Variants in RNLS observed in about 807,000 individuals in gnomAD.
RNLS encodes renalase, FAD dependent amine oxidase.
Under a neutral mutation model 39.8 loss-of-function variants are expected in RNLS, and 39 were observed. The ratio of observed to expected loss-of-function variants is 0.98; its 90% CI spans 0.76 to 1.28. The LOEUF (loss-of-function observed/expected upper bound fraction) is 1.28. Ranked by LOEUF, RNLS falls within the 50% of genes most tolerant of loss-of-function variation. The pLI is 0.00. For missense variants in RNLS, 410 were observed against 413.3 expected (o/e 0.99, Z 0.07); for synonymous variants, 147 against 150.7 (o/e 0.98, Z 0.18).
At chr10:88,192,833 C>T in the RNLS span, among the ~76,000 whole-genome samples, 1 of 152,200 alleles carries the variant, frequency 6.6e-6, no homozygotes, top group Non-Finnish European at 1.5e-5. Context: ...TGTATTTACA[C>T]TTTTACTTGA....
chr10:88,399,546 ACTGT>A (rs1852787793), intron 4 of RNLS, among the ~76,000 whole-genome samples: 1 of 152,024 alleles, frequency 6.6e-6, no homozygotes, highest in African/African-American at 2.4e-5. Flanking sequence ...CAAGTCCACA[ACTGT>A]ATTATACAAA....
chr10:88,401,206 C>G (rs1852896033), intron 4 of RNLS, among the ~76,000 whole-genome samples: 1 of 151,834 alleles, frequency 6.6e-6, no homozygotes, highest in Non-Finnish European at 1.5e-5. Flanking sequence ...ATTGAAAAAT[C>G]AATGTGACAA....
At chr10:88,542,826 A>G (rs1403431706) in intron 4 of RNLS, among the ~76,000 whole-genome samples, 2 of 152,302 alleles carry the variant, frequency 1.3e-5, no homozygotes. Context: ...GAGTTTTACA[A>G]GAAATAAGAT....
At chr10:88,199,359 T>C in the RNLS span, among the ~76,000 whole-genome samples, 1 of 152,204 alleles carries the variant, frequency 6.6e-6, no homozygotes, top group East Asian at 1.9e-4. Context: ...CTCAGCACCA[T>C]TGACATTTTG....
chr10:88,573,038 G>A lies in RNLS; in HGVS notation c.391C>T (p.Arg131Cys), dbSNP rs770321898. ...TCTCTTAGGTTGATCTGTGTCACAC[G>A]ATGTCTGAAGTAGACTTCTGCACCT... is the stretch of plus-strand genomic sequence containing the variant. Reference protein sequence around the residue: ...ESGAEVYFRHRVTQINLRDDK... With the variant: ...ESGAEVYFRHCVTQINLRDDK... The change falls in exon 4 of 7, where the codon CGT (arginine) becomes TGT (cysteine). Residue 131 changes from arginine (R) to cysteine (C), a missense_variant. Transcript: ENST00000331772. The A allele has an allele frequency of 1.7e-5, 27 of 1,613,614 alleles. No homozygotes were observed. The highest frequency in any genetic ancestry group is 1.6e-4 in the Middle Eastern group (1 of 6,078).
chr10:88,282,605 G>C (rs979103293), downstream of RNLS, among the ~76,000 whole-genome samples: 4 of 151,900 alleles, frequency 2.6e-5, no homozygotes, highest in Non-Finnish European at 5.9e-5. Context: ...GGGTAGGCGG[G>C]GGGTGGGGAC....
the RNLS span, among the ~76,000 whole-genome samples, chr10:88,191,460 A>G: frequency 6.6e-6 from 1 of 152,200 alleles, no homozygotes; most frequent in Non-Finnish European, 1.5e-5. Flanking sequence ...GATGTTTAAT[A>G]TAAGTTTACA....
At chr10:88,553,928 T>C (rs928222389) in intron 4 of RNLS, among the ~76,000 whole-genome samples, 2 of 152,126 alleles carry the variant, frequency 1.3e-5, no homozygotes, top group African/African-American at 4.8e-5. Flanking sequence ...AAAATATTTA[T>C]TGAAAAAATA....
intron 5 of RNLS, among the ~76,000 whole-genome samples, chr10:88,321,027 T>C (rs1005100082): frequency 6.6e-6 from 1 of 151,818 alleles, no homozygotes; most frequent in Non-Finnish European, 1.5e-5. Context: ...GAACAGTCTC[T>C]AAAATTGACT....
intron 5 of RNLS, among the ~76,000 whole-genome samples, chr10:88,333,357 C>T (rs934088657): frequency 6.6e-6 from 1 of 152,112 alleles, no homozygotes; most frequent in African/African-American, 2.4e-5. Flanking sequence ...AATAAAAGTA[C>T]TGCTTTGGTA....
chr10:88,464,974 G>T (rs1224555879), intron 4 of RNLS, among the ~76,000 whole-genome samples: 3 of 152,056 alleles, frequency 2.0e-5, no homozygotes, highest in African/African-American at 7.2e-5. Context: ...GAATGGCTGG[G>T]TTCAAACCAC....
the RNLS span, among the ~76,000 whole-genome samples, chr10:88,217,975 G>T: frequency 6.6e-6 from 1 of 152,170 alleles, no homozygotes; most frequent in Non-Finnish European, 1.5e-5. Flanking sequence ...AGGAGGCAGA[G>T]GTTGCAGTGA....
chr10:88,455,078 T>A (rs1842554404), intron 4 of RNLS, among the ~76,000 whole-genome samples: 1 of 152,150 alleles, frequency 6.6e-6, no homozygotes, highest in Non-Finnish European at 1.5e-5. Flanking sequence ...GACTAGTAGC[T>A]AGAGAAGCAC....
intron 4 of RNLS, among the ~76,000 whole-genome samples, chr10:88,460,766 A>C (rs902837132): frequency 6.6e-6 from 1 of 152,080 alleles, no homozygotes; most frequent in Admixed American, 6.6e-5. Context: ...TTTCCCTCTG[A>C]CTGTTTTTGG....
chr10:88,348,702 T>G (rs1299357347), intron 5 of RNLS, among the ~76,000 whole-genome samples: 1 of 152,170 alleles, frequency 6.6e-6, no homozygotes, highest in Non-Finnish European at 1.5e-5. Flanking sequence ...TAAATCATAT[T>G]CCCTATTAAA....
chr10:88,475,604 C>T (rs1843771947), intron 4 of RNLS, among the ~76,000 whole-genome samples: 1 of 152,094 alleles, frequency 6.6e-6, no homozygotes, highest in African/African-American at 2.4e-5. Context: ...CTTCCTATGT[C>T]AAGAGGTATT....
intron 4 of RNLS, among the ~76,000 whole-genome samples, chr10:88,446,114 C>T (rs1842018121): frequency 6.6e-6 from 1 of 152,180 alleles, no homozygotes; most frequent in South Asian, 2.1e-4. Flanking sequence ...AACAAACTGT[C>T]TCTCAGACCA....
At position 88,284,442 on chromosome 10, in the gene RNLS, T is replaced by C; in HGVS notation, c.*912A>G. 2.0e-6 allele frequency: 2 copies of C among 985,388 alleles called. No homozygotes were observed. Among genetic ancestry groups the C allele is most frequent in the Non-Finnish European group, 2.4e-6 (2 of 829,906 alleles). The allele number at this position is 985,388 out of a possible 1,614,324, so 61.0% of individuals were successfully genotyped here. ...CTAGCAAGTCGTGGGGTCAGGTCAC[T>C]GAAGCATGTGGGTGATATGCTGAAC... is the stretch of plus-strand genomic sequence containing the variant. On this transcript the variant is annotated 3_prime_UTR_variant, in exon 7 of 7. Transcript: ENST00000331772.
At chr10:88,449,930 C>T (rs1434186125) in intron 4 of RNLS, among the ~76,000 whole-genome samples, 1 of 151,818 alleles carries the variant, frequency 6.6e-6, no homozygotes, top group East Asian at 1.9e-4. Flanking sequence ...ACAAAATGTC[C>T]AATTCTTGGC....
Sources: gnomAD v4.1 joint callset for allele counts (sites outside exome capture counted in the v4.1 genomes callset) on GRCh38, gnomAD v4.1.1 for gene constraint, MANE v1.5 for transcripts, NCBI Gene and HGNC (gene_info 2026-07-23, HGNC 2026-07-21) for gene names.